Variants in MAN1A1 observed in about 807,000 individuals in gnomAD.
MAN1A1 encodes mannosidase alpha class 1A member 1.
MAN1A1 carries 29 observed loss-of-function variants against 70.8 expected under a neutral mutation model. The ratio of observed to expected loss-of-function variants is 0.41; its 90% CI spans 0.31 to 0.56. The LOEUF is 0.56. Ranked by LOEUF, MAN1A1 falls within the 20% of genes least tolerant of loss-of-function variation. The probability of loss-of-function intolerance (pLI) is 0.29; values close to 1 mark genes in which losing one functional copy is unlikely to be tolerated. For synonymous variants in MAN1A1, 349 were observed against 330.1 expected, an observed-to-expected ratio of 1.06 and a Z score of -0.62; for missense variants, 747 against 841.3, an observed-to-expected ratio of 0.89 and a Z score of 1.39.
intron 5 of MAN1A1, among the ~76,000 whole-genome samples, chr6:119,250,243 C>T (rs1775280798): frequency 6.6e-6 from 1 of 152,172 alleles, no homozygotes; most frequent in Admixed American, 6.5e-5. Flanking sequence ...TAATTAACTC[C>T]TTTTCAAGAA....
rs759020986 is a variant in MAN1A1, at chr6:119,331,995, C to T, written c.603+16468G>A. ...GGGCAATTTGCTTGCCCCTTCCTGG[C>T]TTCAATTTCCTATGTATAAAATGAG... On this transcript the variant is annotated intron_variant, in intron 2 of 12. Transcript: ENST00000368468. The T allele has an allele frequency of 1.4e-5, 7 of 503,358 alleles. No homozygotes were observed. The Admixed American group carries it at 1.4e-4, about 10-fold the overall frequency. 31.2% of individuals were successfully genotyped at this position (503,358 alleles called of 1,614,324 possible). A position where few individuals can be genotyped will look rare whatever the true frequency, so the allele number is the denominator to read the frequency against.
At chr6:119,318,335 G>C (rs1772910678) in intron 2 of MAN1A1, among the ~76,000 whole-genome samples, 1 of 152,184 alleles carries the variant, frequency 6.6e-6, no homozygotes, top group South Asian at 2.1e-4. Flanking sequence ...CACAGATGAA[G>C]AAATCAAGAG....
At chr6:119,331,598 T>TATATATATATATAA (rs1491119267) in intron 2 of MAN1A1, among the ~76,000 whole-genome samples, 3 of 142,500 alleles carry the variant, frequency 2.1e-5, no homozygotes, top group African/African-American at 2.6e-5. Flanking sequence ...TATATATATA[T>TATATATATATATAA]AATCAAGGGG....
intron 5 of MAN1A1, among the ~76,000 whole-genome samples, chr6:119,266,556 A>G (rs893316676): frequency 1.3e-5 from 2 of 152,148 alleles, no homozygotes; most frequent in East Asian, 3.8e-4. Context: ...AAATGAATGT[A>G]GACACAGACC....
rs1411579051 is a variant in MAN1A1, at chr6:119,349,259, C to T, written c.-194G>A. The T allele has an allele frequency of 1.4e-5, 17 of 1,213,688 alleles. No individual in the cohort carries two copies. Among genetic ancestry groups the T allele is most frequent in the Non-Finnish European group, 1.7e-5 (17 of 977,022 alleles). The allele number at this position is 1,213,688 out of a possible 1,614,324, so 75.2% of individuals were successfully genotyped here. A position where few individuals can be genotyped will look rare whatever the true frequency, so the allele number is the denominator to read the frequency against. Reference sequence around the variant, plus strand: ...CGGGGCGGCTCCTCGGGCACACAGGCACGCGCGACAGACCGCTGGCTGCAG... The same window carrying T: ...CGGGGCGGCTCCTCGGGCACACAGGTACGCGCGACAGACCGCTGGCTGCAG... On this transcript the variant is annotated 5_prime_UTR_variant, in exon 2 of 13. Transcript: ENST00000368468.
At chr6:119,308,617 G>A (rs1481633723) in intron 2 of MAN1A1, among the ~76,000 whole-genome samples, 1 of 151,970 alleles carries the variant, frequency 6.6e-6, no homozygotes, top group Non-Finnish European at 1.5e-5. Context: ...AGGTAATCAC[G>A]TTTATTAAAT....
At chr6:119,203,769 C>A (rs1562190414) in intron 7 of MAN1A1, among the ~76,000 whole-genome samples, 1 of 152,112 alleles carries the variant, frequency 6.6e-6, no homozygotes, top group Non-Finnish European at 1.5e-5. Context: ...GGCGTTAAGT[C>A]CGAGGCATTT....
At chr6:119,336,722 T>G (rs1370713585) in intron 2 of MAN1A1, among the ~76,000 whole-genome samples, 1 of 152,222 alleles carries the variant, frequency 6.6e-6, no homozygotes, top group South Asian at 2.1e-4. Context: ...TGGAAAATAA[T>G]AGCTAACCTA....
intron 5 of MAN1A1, among the ~76,000 whole-genome samples, chr6:119,273,748 C>T (rs1375881192): frequency 6.6e-6 from 1 of 152,032 alleles, no homozygotes; most frequent in Non-Finnish European, 1.5e-5. Flanking sequence ...TAAATTTTTG[C>T]CCCACTCTTA....
chr6:119,335,517 A>T (rs1187741955), intron 2 of MAN1A1, among the ~76,000 whole-genome samples: 1 of 152,204 alleles, frequency 6.6e-6, no homozygotes, highest in African/African-American at 2.4e-5. Flanking sequence ...TTATTGTCAA[A>T]TTCTGGGCCA....
At chr6:119,191,010 T>C (rs561501537) in intron 9 of MAN1A1, among the ~76,000 whole-genome samples, 2 of 152,082 alleles carry the variant, frequency 1.3e-5, no homozygotes, top group Non-Finnish European at 2.9e-5. Flanking sequence ...AGAAAAAAAC[T>C]TGTGATAGAG....
intron 2 of MAN1A1, among the ~76,000 whole-genome samples, chr6:119,325,387 G>T (rs1773119171): frequency 6.6e-6 from 1 of 152,194 alleles, no homozygotes; most frequent in African/African-American, 2.4e-5. Flanking sequence ...GCAAGACATG[G>T]TGGCTCACAC....
chr6:119,196,455 A>T (rs1335649313), intron 8 of MAN1A1, among the ~76,000 whole-genome samples: 1 of 152,134 alleles, frequency 6.6e-6, no homozygotes, highest in Admixed American at 6.5e-5. Flanking sequence ...TAAACATCTT[A>T]GTGGATGTCG....
chr6:119,222,326 ATTT>A (rs35446116), intron 6 of MAN1A1, among the ~76,000 whole-genome samples: 4 of 115,276 alleles, frequency 3.5e-5, no homozygotes, highest in Admixed American at 9.0e-5. Flanking sequence ...TTTTTTAAGG[ATTT>A]TTTTTTTTTT....
At position 119,348,765 on chromosome 6, in the gene MAN1A1, G is replaced by A. The variant is rs1562252382; in HGVS notation, c.301C>T (p.Arg101Ter). The part of the protein sequence containing the change: ...GARAEDAAEG[R>*]ARRREEGAPG... ...GCCCCCTCCTCGCGGCGCCGGGCTC[G>A]CCCCTCGGCCGCGTCCTCGGCGCGC... Residue 101 changes from arginine (R) to a stop codon, truncating the protein, a stop_gained, in exon 2 of 13, where the codon CGA (arginine) becomes TGA (stop). Coordinates refer to ENST00000368468, the MANE Select transcript of MAN1A1 (RefSeq NM_005907.4). LOFTEE classifies it high-confidence loss of function. 2 of 1,472,878 alleles carry A rather than the reference G, an allele frequency of 1.4e-6. No homozygotes were observed. The allele number at this position is 1,472,878 out of a possible 1,614,324, so 91.2% of individuals were successfully genotyped here.
At chr6:119,314,410 T>C (rs934856870) in intron 2 of MAN1A1, among the ~76,000 whole-genome samples, 1 of 152,200 alleles carries the variant, frequency 6.6e-6, no homozygotes, top group African/African-American at 2.4e-5. Context: ...GTGAATTAAC[T>C]TTGTCAAACA....
intron 5 of MAN1A1, among the ~76,000 whole-genome samples, chr6:119,257,746 CTTCAAACTA>C (rs931371735): frequency 5.3e-5 from 8 of 151,926 alleles, no homozygotes; most frequent in African/African-American, 1.5e-4. Flanking sequence ...AGCTCTAGTG[CTTCAAACTA>C]TTCTTAAGTG....
intron 6 of MAN1A1, among the ~76,000 whole-genome samples, chr6:119,241,790 C>T (rs1189433475): frequency 1.3e-5 from 2 of 152,076 alleles, no homozygotes; most frequent in Admixed American, 1.3e-4. Context: ...ATTCTTGACC[C>T]TAGCTGAATA....
chr6:119,234,708 C>T (rs970451131), intron 6 of MAN1A1, among the ~76,000 whole-genome samples: 6 of 152,200 alleles, frequency 3.9e-5, no homozygotes, highest in African/African-American at 1.2e-4. Context: ...AGTCACCACA[C>T]CCAGCCACAT....
Sources: allele counts gnomAD v4.1 joint callset (sites outside exome capture counted in the v4.1 genomes callset), GRCh38; gene constraint gnomAD v4.1.1; transcripts MANE v1.5; gene names NCBI Gene and HGNC (gene_info 2026-07-23, HGNC 2026-07-21).